Variants in GRM7 observed in about 807,000 individuals in gnomAD.
GRM7 encodes metabotropic glutamate receptor 7.
In GRM7, 35 loss-of-function variants were observed where a neutral mutation model predicts 84.5. The observed-to-expected ratio is 0.41, with a 90% CI of 0.32 to 0.55. The LOEUF (loss-of-function observed/expected upper bound fraction) is 0.55, where lower values mean the gene tolerates loss of function less well. Ranked by LOEUF, GRM7 falls within the 20% of genes least tolerant of loss-of-function variation. GRM7 has a pLI of 0.19. For missense variants in GRM7, 1,003 were observed against 1,194.6 expected, an observed-to-expected ratio of 0.84 and a Z score of 2.36; for synonymous variants, 487 against 455.1, an observed-to-expected ratio of 1.07 and a Z score of -0.89.
chr3:6,878,493 C>G (rs181720370), intron 1 of GRM7, among the ~76,000 whole-genome samples: 1 of 150,544 alleles, frequency 6.6e-6, no homozygotes, highest in East Asian at 1.9e-4. Context: ...TGAGCAAATG[C>G]TTTGTGTCTG....
chr3:7,592,338 C>G (rs1191119416), intron 8 of GRM7, among the ~76,000 whole-genome samples: 1 of 152,010 alleles, frequency 6.6e-6, no homozygotes, highest in South Asian at 2.1e-4. Context: ...CAGAGCAGGG[C>G]TCACTGAGAA....
chr3:6,892,173 A>G (rs1360845659), intron 1 of GRM7, among the ~76,000 whole-genome samples: 1 of 152,096 alleles, frequency 6.6e-6, no homozygotes, highest in Non-Finnish European at 1.5e-5. Flanking sequence ...TTGAAACTGG[A>G]AGACAGTCAG....
intron 7 of GRM7, among the ~76,000 whole-genome samples, chr3:7,509,415 A>G (rs994764483): frequency 3.9e-5 from 6 of 152,204 alleles, no homozygotes; most frequent in African/African-American, 1.4e-4. Context: ...TAACGGGGCT[A>G]CATAGGATGG....
intron 1 of GRM7, among the ~76,000 whole-genome samples, chr3:7,080,833 C>T (rs1698253129): frequency 6.6e-6 from 1 of 151,868 alleles, no homozygotes; most frequent in Admixed American, 6.6e-5. Context: ...TTAAAAAAAT[C>T]ATTCTTGCGT....
intron 1 of GRM7, among the ~76,000 whole-genome samples, chr3:6,986,219 T>C (rs553662168): frequency 7.2e-5 from 11 of 152,046 alleles, no homozygotes; most frequent in Non-Finnish European, 1.6e-4. Context: ...AAAATAAAAA[T>C]GAAAAAACCC....
chr3:7,261,136 G>C (rs4470504), intron 2 of GRM7, among the ~76,000 whole-genome samples: 1 of 152,088 alleles, frequency 6.6e-6, no homozygotes, highest in Non-Finnish European at 1.5e-5. Context: ...CTTCCAGGGT[G>C]TCCTAGCATC....
intron 1 of GRM7, among the ~76,000 whole-genome samples, chr3:7,072,998 T>A (rs2124986104): frequency 6.6e-6 from 1 of 152,282 alleles, no homozygotes; most frequent in South Asian, 2.1e-4. Flanking sequence ...GGTTGAAAAG[T>A]GGAAATTAGT....
At chr3:7,608,580 G>A (rs1696702636) in intron 8 of GRM7, among the ~76,000 whole-genome samples, 1 of 151,706 alleles carries the variant, frequency 6.6e-6, no homozygotes, top group Admixed American at 6.6e-5. Context: ...GTTTTTTCTT[G>A]TAAATTTAAG....
intron 1 of GRM7, among the ~76,000 whole-genome samples, chr3:7,146,087 T>C (rs1694102822): frequency 6.6e-6 from 1 of 152,120 alleles, no homozygotes; most frequent in Non-Finnish European, 1.5e-5. Context: ...TCCAGCCAGG[T>C]TGTTGTATTT....
intron 1 of GRM7, among the ~76,000 whole-genome samples, chr3:7,034,762 T>C (rs1000672027): frequency 6.6e-5 from 10 of 152,220 alleles, no homozygotes; most frequent in South Asian, 2.1e-4. Flanking sequence ...AAAGGGTGAC[T>C]GGTGCAATCC....
intron 7 of GRM7, among the ~76,000 whole-genome samples, chr3:7,510,384 C>T (rs956682062): frequency 7.2e-5 from 11 of 152,146 alleles, no homozygotes; most frequent in African/African-American, 2.7e-4. Context: ...CTCAGGAAGG[C>T]AGGACTGTAT....
rs80119157 is a variant in GRM7 at position 7,031,942 on chromosome 3, G to A, written c.520-114510G>A. On this transcript the variant is annotated intron_variant, in intron 1 of 9. Coordinates refer to ENST00000357716, the MANE Select transcript of GRM7 (RefSeq NM_000844.4). Reference sequence around the variant, plus strand: ...ACTATGAATGCTAACACAGTCTTCTGACCTGTGCCCTATCCCTTAACCTAC... The same window carrying A: ...ACTATGAATGCTAACACAGTCTTCTAACCTGTGCCCTATCCCTTAACCTAC... Among the ~76,000 whole-genome samples the A allele has an allele frequency of 4.9e-3, 739 of 152,106 alleles. 30 individuals are homozygous for A. The East Asian group carries it at 0.075, about 15-fold the overall frequency.
intron 2 of GRM7, among the ~76,000 whole-genome samples, chr3:7,168,215 T>G (rs1326845704): frequency 6.6e-6 from 1 of 152,108 alleles, no homozygotes; most frequent in Non-Finnish European, 1.5e-5. Flanking sequence ...GCCTGGTACT[T>G]TGCAAATGTG....
At chr3:7,030,621 C>T (rs571495689) in intron 1 of GRM7, among the ~76,000 whole-genome samples, 1 of 152,222 alleles carries the variant, frequency 6.6e-6, no homozygotes, top group African/African-American at 2.4e-5. Context: ...AGACCTGGCT[C>T]ATATTCACAG....
At chr3:6,980,189 G>A (rs1164903934) in intron 1 of GRM7, among the ~76,000 whole-genome samples, 1 of 151,814 alleles carries the variant, frequency 6.6e-6, no homozygotes, top group African/African-American at 2.4e-5. Context: ...GAGGCCTTGG[G>A]AAAGAAAAAC....
intron 9 of GRM7, among the ~76,000 whole-genome samples, chr3:7,714,966 G>C (rs1284331821): frequency 6.6e-6 from 1 of 152,152 alleles, no homozygotes; most frequent in Admixed American, 6.6e-5. Flanking sequence ...CCCAGCCAAA[G>C]CAATGGCTGA....
rs73116004 is a variant in GRM7, at chr3:7,534,417, G to A, written c.1516-44005G>A. ...TCTACACATGAGAAAACTGTGGCAT[G>A]GAGAAGTGAAGAAACTTGCCCTCTT... On this transcript the variant is annotated intron_variant, in intron 7 of 9. Coordinates refer to ENST00000357716, the MANE Select transcript of GRM7 (RefSeq NM_000844.4). 3.6e-3 allele frequency among the ~76,000 whole-genome samples: 547 copies of A among 152,274 alleles called. 6 individuals carry two copies. Among genetic ancestry groups the A allele is most frequent in the African/African-American group, 0.013 (528 of 41,572 alleles).
intron 7 of GRM7, among the ~76,000 whole-genome samples, chr3:7,569,787 G>A (rs535573232): frequency 7.9e-5 from 12 of 152,148 alleles, no homozygotes; most frequent in Admixed American, 4.6e-4. Flanking sequence ...GCGAAGGTCC[G>A]CAGCTTCACT....
intron 1 of GRM7, among the ~76,000 whole-genome samples, chr3:6,989,470 T>A (rs766743597): frequency 2.0e-5 from 3 of 152,228 alleles, no homozygotes; most frequent in Admixed American, 6.5e-5. Context: ...AACTTATATG[T>A]TTATGGCTAT....
Sources: allele counts gnomAD v4.1 joint callset (sites outside exome capture counted in the v4.1 genomes callset), GRCh38; gene constraint gnomAD v4.1.1; transcripts MANE v1.5; gene names NCBI Gene and HGNC (gene_info 2026-07-23, HGNC 2026-07-21).